The following MTERF4 variants were observed in gnomAD, a reference collection of about 807,000 sequenced individuals.
MTERF4 encodes the protein transcription termination factor 4, mitochondrial.
MTERF4 carries 17 observed loss-of-function variants against 22.5 expected under a neutral mutation model. The ratio of observed to expected loss-of-function variants is 0.75; its 90% CI spans 0.52 to 1.13. The LOEUF (loss-of-function observed/expected upper bound fraction) is 1.13, where lower values mean the gene tolerates loss of function less well. Among genes scored for constraint, MTERF4 ranks in the 50% most tolerant of loss-of-function variants. The probability of loss-of-function intolerance (pLI) is 0.00; values close to 1 mark genes in which losing one functional copy is unlikely to be tolerated. For missense variants in MTERF4, 420 were observed against 466.8 expected (o/e 0.90, Z 0.92); for synonymous variants, 165 against 175.3 (o/e 0.94, Z 0.47).
At chr2:241,065,965 G>T in the MTERF4 span, among the ~76,000 whole-genome samples, 2 of 152,262 alleles carry the variant, frequency 1.3e-5, no homozygotes, top group African/African-American at 2.4e-5. Context: ...GGGGGGGCTG[G>T]GACTCTGGGG....
chr2:241,063,900 C>A, the MTERF4 span: 1 of 867,830 alleles, frequency 1.2e-6, no homozygotes, highest in Non-Finnish European at 1.8e-6. Context: ...CACTGCCCCT[C>A]TCTCCTGGCC....
chr2:241,063,826 G>A, the MTERF4 span: 5,458 of 817,210 alleles, frequency 6.7e-3, 35 homozygotes, highest in Non-Finnish European at 7.6e-3. Context: ...CCAGGGCTGC[G>A]GCCACCTTGG....
the MTERF4 span, among the ~76,000 whole-genome samples, chr2:241,043,379 A>G: frequency 6.6e-6 from 1 of 152,198 alleles, no homozygotes; most frequent in African/African-American, 2.4e-5. Flanking sequence ...GAAAGAAAAA[A>G]CCATCAACCT....
In MTERF4 at chr2:241,075,954, A is replaced by G; in HGVS notation, n.480-272T>C. 6.6e-6 allele frequency among the ~76,000 whole-genome samples: 1 copy of G among 152,124 alleles called. No homozygotes were observed. Among genetic ancestry groups the G allele is most frequent in the Middle Eastern group, 3.2e-3 (1 of 316 alleles). On this transcript the variant is annotated intron_variant and non_coding_transcript_variant, in intron 4 of 4. Coordinates refer to the MTERF4 transcript ENST00000464344. This position sits in a 1 kb window ranked among gnomAD's most constrained non-coding sequence, Gnocchi z 4.8. ...ATGCTAAAAAGTCCCTTTTTCCCCCACTGTCAGTATCAAAATTCCACATAT... is the reference window on the plus strand; with the variant it reads ...ATGCTAAAAAGTCCCTTTTTCCCCCGCTGTCAGTATCAAAATTCCACATAT...
chr2:241,051,267 C>G, the MTERF4 span: 1 of 154,856 alleles, frequency 6.5e-6, no homozygotes, highest in Non-Finnish European at 1.4e-5. This position sits in a 1 kb window ranked among gnomAD's most constrained non-coding sequence, Gnocchi z 4.7. Context: ...CTGAGCTCCT[C>G]GGGTTCCAGG....
chr2:241,056,219 A>C, the MTERF4 span, among the ~76,000 whole-genome samples: 1 of 152,214 alleles, frequency 6.6e-6, no homozygotes, highest in African/African-American at 2.4e-5. Flanking sequence ...GAGCAGAGAA[A>C]AAAAGTAACA....
chr2:241,049,176 G>A, the MTERF4 span: 1 of 1,504,706 alleles, frequency 6.6e-7, no homozygotes, highest in Non-Finnish European at 9.1e-7. Flanking sequence ...CGGGGGCCCG[G>A]ACAGAAGCCA....
chr2:241,068,680 C>T (rs1221252240), downstream of MTERF4, among the ~76,000 whole-genome samples: 2 of 152,138 alleles, frequency 1.3e-5, no homozygotes, highest in African/African-American at 4.8e-5. The surrounding 1 kb of genome is among the most constrained non-coding windows in gnomAD (Gnocchi z 5.3). Context: ...TGTAGCAGCC[C>T]CAAGCGCACC....
At chr2:241,088,656 A>T, downstream of MTERF4, 1 of 516,672 alleles carries the variant, frequency 1.9e-6, no homozygotes, top group Non-Finnish European at 3.4e-6. Context: ...TGGATAGGGC[A>T]AATCCCACTC....
downstream of MTERF4, chr2:241,070,169 A>G: frequency 6.3e-7 from 1 of 1,595,986 alleles, no homozygotes; most frequent in Non-Finnish European, 8.5e-7. Context: ...GGGCCGCAGC[A>G]CAGCGAGCCC....
At chr2:241,067,574 C>T, downstream of MTERF4, among the ~76,000 whole-genome samples, 1 of 152,300 alleles carries the variant, frequency 6.6e-6, no homozygotes, top group South Asian at 2.1e-4. Flanking sequence ...GGTTCTGCAG[C>T]TGTCAGCCCT....
At chr2:241,084,573 C>T (rs1020988049), downstream of MTERF4, among the ~76,000 whole-genome samples, 1 of 152,202 alleles carries the variant, frequency 6.6e-6, no homozygotes, top group East Asian at 1.9e-4. Context: ...TCCCTCCCAT[C>T]CTTTGAATTA....
At chr2:241,053,951 G>A in the MTERF4 span, among the ~76,000 whole-genome samples, 2 of 152,194 alleles carry the variant, frequency 1.3e-5, no homozygotes, top group African/African-American at 4.8e-5. Context: ...TAGTTTTTAC[G>A]AAGCAAGGAT....
Position 241,081,171 on chromosome 2 carries a change from C to A in MTERF4, n.480-5489G>T, listed in dbSNP as rs530435642. On this transcript the variant is annotated intron_variant and non_coding_transcript_variant, in intron 4 of 4. Coordinates refer to the MTERF4 transcript ENST00000464344. The stretch of plus-strand genomic sequence containing the variant: ...AGCAGCCCTGCAAAGACCATCTGAA[C>A]CTAAATCCTATCAAGCACCTCTCTC... Among the ~76,000 whole-genome samples the A allele has an allele frequency of 1.2e-3, 186 of 152,326 alleles. 1 individual carries two copies. The highest frequency in any genetic ancestry group is 4.2e-3 in the African/African-American group (176 of 41,580).
Position 241,074,482 on chromosome 2 carries a change from TCA to T in MTERF4, n.1678_1679del, listed in dbSNP as rs2062922907. 2.6e-5 allele frequency: 4 copies of T among 152,298 alleles called. No individual in the cohort carries two copies. In the East Asian group the frequency reaches 7.7e-4, roughly 29 times the overall value. 9.4% of individuals were successfully genotyped at this position (152,298 alleles called of 1,614,324 possible). On this transcript the variant is annotated non_coding_transcript_exon_variant, in exon 5 of 5. Transcript: ENST00000464344. ...ATTTCATCAGATGATTTGCATTATGTCAGCCCCTTTAAATACCAGGTGTTCAT... is the reference window on the plus strand; with the variant it reads ...ATTTCATCAGATGATTTGCATTATGTGCCCCTTTAAATACCAGGTGTTCAT...
chr2:241,050,284 G>T, the MTERF4 span, among the ~76,000 whole-genome samples: 669 of 152,220 alleles, frequency 4.4e-3, 4 homozygotes, highest in African/African-American at 0.016. Flanking sequence ...GGAAAATGTC[G>T]AATTTTATTA....
Position 241,096,380 on chromosome 2 carries a change from T to G in MTERF4, c.764A>C (p.Gln255Pro). 1 of 1,614,196 alleles carries G rather than the reference T, an allele frequency of 6.2e-7. No homozygotes were observed. The highest frequency in any genetic ancestry group is 8.5e-7 in the Non-Finnish European group (1 of 1,180,048). The change falls in exon 4 of 4, where the codon CAG becomes CCG. Residue 255 changes from glutamine (Q) to proline (P), a missense_variant. Transcript: ENST00000391980. The surrounding 1 kb of genome is among the most constrained non-coding windows in gnomAD (Gnocchi z 5.1). The stretch of plus-strand genomic sequence containing the variant: ...CTGCTTAATCTTGGTTAGTGAATAC[T>G]GCAAGTACTCACTCTTTACAATGTC... ...HPDIVKSEYL[Q>P]YSLTKIKQRH...
the MTERF4 span, among the ~76,000 whole-genome samples, chr2:241,056,487 T>C: frequency 6.8e-5 from 10 of 146,388 alleles, no homozygotes; most frequent in African/African-American, 2.6e-4. Context: ...AAAAAAACCA[T>C]AGAACTCAAA....
the MTERF4 span, among the ~76,000 whole-genome samples, chr2:241,058,819 G>A: frequency 8.6e-5 from 13 of 152,032 alleles, no homozygotes; most frequent in Non-Finnish European, 1.5e-4. Flanking sequence ...GCGAGGTGGC[G>A]GGCGCCTGTA....
Sources: allele counts gnomAD v4.1 joint callset (sites outside exome capture counted in the v4.1 genomes callset), GRCh38; gene constraint gnomAD v4.1.1; non-coding constraint Gnocchi (gnomAD v3.1); transcripts MANE v1.5; gene names NCBI Gene and HGNC (gene_info 2026-07-23, HGNC 2026-07-21).